STAG1: variants seen among roughly 807,000 people sequenced by gnomAD.
STAG1 encodes the protein STAG1 cohesin complex component.
Under a neutral mutation model 170.9 loss-of-function variants are expected in STAG1, and 26 were observed. The observed-to-expected ratio is 0.15, with a 90% CI of 0.11 to 0.21. The LOEUF (loss-of-function observed/expected upper bound fraction) is 0.21, where lower values mean the gene tolerates loss of function less well. Among genes scored for constraint, STAG1 ranks in the 10% least tolerant of loss-of-function variants. STAG1 has a pLI of 1.00. For synonymous variants in STAG1, 514 were observed against 497.7 expected, an observed-to-expected ratio of 1.03 and a Z score of -0.44; for missense variants, 964 against 1,509.5, an observed-to-expected ratio of 0.64 and a Z score of 5.99.
At chr3:136,525,561 A>G (rs1934968354) in intron 6 of STAG1, among the ~76,000 whole-genome samples, 1 of 151,856 alleles carries the variant, frequency 6.6e-6, no homozygotes, top group Non-Finnish European at 1.5e-5. Context: ...TAGATTCATT[A>G]ATTTTTTGAA....
At chr3:136,381,198 G>A (rs33999043) in intron 22 of STAG1, among the ~76,000 whole-genome samples, 127,678 of 152,012 alleles carry the variant, frequency 0.84, 53,761 homozygotes, top group East Asian at 0.99. Context: ...AAGGATTTGG[G>A]AGTCTTCAGC....
chr3:136,454,861 C>T (rs2089060079), intron 13 of STAG1, among the ~76,000 whole-genome samples: 2 of 152,156 alleles, frequency 1.3e-5, no homozygotes, highest in Admixed American at 1.3e-4. Context: ...GACTACAAGA[C>T]ACTATACGTG....
intron 23 of STAG1, among the ~76,000 whole-genome samples, chr3:136,377,386 C>CAAAAAAAAAAA (rs57934830): frequency 0.11 from 4,600 of 42,464 alleles, 1,768 homozygotes; most frequent in Middle Eastern, 0.15. Flanking sequence ...GACTCTGTCT[C>CAAAAAAAAAAA]AAAAAAAAAA....
chr3:136,674,149 G>A (rs1156559219), intron 1 of STAG1, among the ~76,000 whole-genome samples: 1 of 58,442 alleles, frequency 1.7e-5, no homozygotes, highest in African/African-American at 7.5e-5. Context: ...GAAGGAGGGA[G>A]GGAGAGAGGG....
At chr3:136,519,166 AAT>A (rs1388395341) in intron 7 of STAG1, among the ~76,000 whole-genome samples, 6 of 152,090 alleles carry the variant, frequency 3.9e-5, no homozygotes, top group Admixed American at 1.3e-4. Context: ...AAAATAAAAC[AAT>A]GTTTTAAGAG....
At chr3:136,466,379 G>C (rs939746813) in intron 12 of STAG1, among the ~76,000 whole-genome samples, 2 of 152,154 alleles carry the variant, frequency 1.3e-5, no homozygotes, top group African/African-American at 2.4e-5. Flanking sequence ...TAGCCAATTC[G>C]ATCAACTGGA....
chr3:136,705,163 C>G (rs148530364), intron 1 of STAG1, among the ~76,000 whole-genome samples: 1 of 152,178 alleles, frequency 6.6e-6, no homozygotes, highest in East Asian at 1.9e-4. Flanking sequence ...ATCACAAGGT[C>G]AGGAGTTCGA....
chr3:136,338,553 T>TA lies in STAG1; in HGVS notation c.3673-104_3673-103insT, dbSNP rs1935802548. The TA allele has an allele frequency of 5.2e-6, 4 of 766,826 alleles. No individual in the cohort carries two copies. In the East Asian group the frequency reaches 1.1e-4, roughly 20 times the overall value. The allele number at this position is 766,826 out of a possible 1,614,324, so 47.5% of individuals were successfully genotyped here. ...TGACAGTATCATAAATATATGGAAC[T>TA]GCTAAGAGTCAATTTTGAAAGGAAG... is the stretch of plus-strand genomic sequence containing the variant. On this transcript the variant is annotated intron_variant, in intron 32 of 33. Coordinates refer to ENST00000383202, the MANE Select transcript of STAG1 (RefSeq NM_005862.3).
At chr3:136,623,399 C>T (rs967477725) in intron 2 of STAG1, 151 bp from the exon 3 acceptor site, 1 of 545,062 alleles carries the variant, frequency 1.8e-6, no homozygotes. Context: ...AAAATGTTAT[C>T]CTCCCTTCCT....
intron 1 of STAG1, 67 bp from the exon 2 acceptor site, chr3:136,631,048 C>T (rs1940311043): frequency 1.4e-6 from 1 of 696,124 alleles, no homozygotes; most frequent in East Asian, 2.9e-5. Flanking sequence ...AAACTACAAT[C>T]AATCCACACC....
intron 1 of STAG1, among the ~76,000 whole-genome samples, chr3:136,642,498 C>T (rs1180654337): frequency 6.6e-6 from 1 of 151,802 alleles, no homozygotes; most frequent in Non-Finnish European, 1.5e-5. Flanking sequence ...TCTCAAACTC[C>T]CAAGTGATCC....
At chr3:136,601,834 T>C (rs1302277160) in intron 4 of STAG1, among the ~76,000 whole-genome samples, 1 of 149,532 alleles carries the variant, frequency 6.7e-6, no homozygotes, top group Non-Finnish European at 1.5e-5. Context: ...AGGCTCATTC[T>C]CCAAAAAAAA....
intron 15 of STAG1, 78 bp from the exon 16 acceptor site, chr3:136,433,737 A>G: frequency 1.1e-6 from 1 of 937,506 alleles, no homozygotes; most frequent in African/African-American, 1.7e-5. Context: ...ACATTATTAA[A>G]AAAACTGAAA....
intron 1 of STAG1, among the ~76,000 whole-genome samples, chr3:136,675,217 T>C (rs1942095587): frequency 6.6e-6 from 1 of 152,086 alleles, no homozygotes; most frequent in Non-Finnish European, 1.5e-5. Flanking sequence ...CAGAAAAGAG[T>C]GACCATTTGG....
At chr3:136,352,114 G>A (rs1202207027) in intron 28 of STAG1, among the ~76,000 whole-genome samples, 1 of 151,894 alleles carries the variant, frequency 6.6e-6, no homozygotes, top group Non-Finnish European at 1.5e-5. Flanking sequence ...GTAAAGAGTA[G>A]CTATATTATT....
intron 1 of STAG1, among the ~76,000 whole-genome samples, chr3:136,631,744 C>G (rs1357296648): frequency 6.6e-6 from 1 of 152,038 alleles, no homozygotes; most frequent in African/African-American, 2.4e-5. Context: ...TCATATTTTT[C>G]AAAAGCAGGG....
intron 6 of STAG1, among the ~76,000 whole-genome samples, chr3:136,527,897 G>C (rs189659904): frequency 4.9e-4 from 75 of 152,322 alleles, no homozygotes; most frequent in Non-Finnish European, 3.2e-4. Context: ...CTGCAGAACA[G>C]TGAATATTGC....
intron 1 of STAG1, among the ~76,000 whole-genome samples, chr3:136,702,072 C>T (rs1226855362): frequency 2.4e-5 from 2 of 82,388 alleles, no homozygotes; most frequent in Admixed American, 3.1e-4. Context: ...ACCACCATGC[C>T]GAAAGAGAGA....
chr3:136,517,104 G>T (rs1934415237), intron 7 of STAG1, among the ~76,000 whole-genome samples: 1 of 152,164 alleles, frequency 6.6e-6, no homozygotes. Flanking sequence ...TGAATCATAT[G>T]TGAATATAAA....
Sources: gnomAD v4.1 joint callset for allele counts (sites outside exome capture counted in the v4.1 genomes callset) on GRCh38, gnomAD v4.1.1 for gene constraint, MANE v1.5 for transcripts, NCBI Gene and HGNC (gene_info 2026-07-23, HGNC 2026-07-21) for gene names.